ELAVL4: variants seen among roughly 807,000 people sequenced by gnomAD.
The protein encoded by ELAVL4 is ELAV like RNA binding protein 4.
In ELAVL4, 1 loss-of-function variant was observed where a neutral mutation model predicts 35.6. That is an observed-to-expected ratio of 0.03 (90% CI 0.01 to 0.13). ELAVL4 has a LOEUF of 0.13. Among genes scored for constraint, ELAVL4 ranks in the 10% least tolerant of loss-of-function variants. The pLI, the probability that ELAVL4 is intolerant of heterozygous loss-of-function variation, is 1.00. For missense variants in ELAVL4, 267 were observed against 464.9 expected, an observed-to-expected ratio of 0.57 and a Z score of 3.91; for synonymous variants, 156 against 171.0, an observed-to-expected ratio of 0.91 and a Z score of 0.69.
At chr1:50,091,625 T>G (rs955561330) in intron 1 of ELAVL4, among the ~76,000 whole-genome samples, 2 of 152,168 alleles carry the variant, frequency 1.3e-5, no homozygotes, top group African/African-American at 4.8e-5. Context: ...GTAACAGACT[T>G]TAAAAAGGCA....
chr1:50,055,786 G>A (rs1006644470), intron 1 of ELAVL4, among the ~76,000 whole-genome samples: 15 of 152,088 alleles, frequency 9.9e-5, no homozygotes, highest in African/African-American at 3.1e-4. Flanking sequence ...CTCCTTCAAC[G>A]AAAACCTTTA....
intron 1 of ELAVL4, among the ~76,000 whole-genome samples, chr1:50,095,513 C>T (rs1364329014): frequency 2.0e-5 from 3 of 152,022 alleles, no homozygotes; most frequent in East Asian, 1.9e-4. Flanking sequence ...TATATAGTCT[C>T]CTTTTAAACT....
intron 1 of ELAVL4, among the ~76,000 whole-genome samples, chr1:50,121,000 C>T (rs1190012215): frequency 6.6e-6 from 1 of 152,032 alleles, no homozygotes; most frequent in Non-Finnish European, 1.5e-5. Flanking sequence ...CATCTGTTAG[C>T]CCTGGAGGGC....
chr1:50,153,214 T>C (rs1675106197), intron 2 of ELAVL4, among the ~76,000 whole-genome samples: 1 of 152,214 alleles, frequency 6.6e-6, no homozygotes, highest in Non-Finnish European at 1.5e-5. Context: ...CCAATCTTAC[T>C]TTTCCTTGGT....
upstream of ELAVL4, chr1:50,106,027 A>T (rs1382172599): frequency 2.8e-6 from 1 of 354,346 alleles, no homozygotes; most frequent in Non-Finnish European, 5.0e-6. Context: ...TTTATGAAGG[A>T]TTCCTTTTTT....
intron 1 of ELAVL4, among the ~76,000 whole-genome samples, chr1:50,053,743 A>G (rs1663516183): frequency 6.6e-6 from 1 of 152,230 alleles, no homozygotes; most frequent in South Asian, 2.1e-4. Flanking sequence ...CTGTCAGCAA[A>G]GGAACAAGAG....
intron 1 of ELAVL4, among the ~76,000 whole-genome samples, chr1:50,081,784 C>G (rs920361124): frequency 1.3e-5 from 2 of 152,112 alleles, no homozygotes; most frequent in African/African-American, 4.8e-5. Flanking sequence ...ACCCATCAAC[C>G]CGTCATCTAC....
intron 1 of ELAVL4, among the ~76,000 whole-genome samples, chr1:50,074,661 C>T (rs769884075): frequency 1.3e-5 from 2 of 152,034 alleles, no homozygotes; most frequent in Non-Finnish European, 2.9e-5. Context: ...TGCACAGTGA[C>T]CTAATAACCT....
intron 3 of ELAVL4, 63 bp downstream of exon 3, chr1:50,177,255 T>C: frequency 1.5e-6 from 2 of 1,315,790 alleles, no homozygotes; most frequent in Non-Finnish European, 2.2e-6. Flanking sequence ...TCTGTTGATC[T>C]GGTAAATCCA....
intron 3 of ELAVL4, among the ~76,000 whole-genome samples, chr1:50,192,515 G>GCACACACACA (rs1220189674): frequency 1.6e-4 from 13 of 80,246 alleles, no homozygotes; most frequent in East Asian, 4.2e-4. Context: ...GCTTTTGTGT[G>GCACACACACA]CACGCACACA....
chr1:50,090,703 G>A (rs550740028), intron 1 of ELAVL4, among the ~76,000 whole-genome samples: 1 of 152,230 alleles, frequency 6.6e-6, no homozygotes, highest in East Asian at 1.9e-4. Context: ...CTACTTGGTA[G>A]GCAAAGGAAG....
At chr1:50,096,467 T>C (rs1249035699) in intron 1 of ELAVL4, among the ~76,000 whole-genome samples, 3 of 149,820 alleles carry the variant, frequency 2.0e-5, no homozygotes, top group African/African-American at 7.4e-5. Flanking sequence ...TCTAGAGCTG[T>C]GTATAGGGAA....
chr1:50,112,476 G>A (rs1667234059), intron 1 of ELAVL4, among the ~76,000 whole-genome samples: 1 of 152,086 alleles, frequency 6.6e-6, no homozygotes, highest in Non-Finnish European at 1.5e-5. Context: ...AAGGCTGAAT[G>A]TGCATTTATT....
At chr1:50,122,640 A>G (rs564978616) in intron 1 of ELAVL4, among the ~76,000 whole-genome samples, 1 of 152,130 alleles carries the variant, frequency 6.6e-6, no homozygotes, top group Admixed American at 6.6e-5. Flanking sequence ...CAAGAGCTCA[A>G]GAACTCAAAT....
chr1:50,059,610 CAT>C (rs1258176200), intron 1 of ELAVL4, among the ~76,000 whole-genome samples: 3 of 151,708 alleles, frequency 2.0e-5, no homozygotes, highest in African/African-American at 7.3e-5. Context: ...CAGTCCTTGG[CAT>C]ATATACCCAA....
Position 50,145,054 on chromosome 1 carries a change from A to G in ELAVL4, c.107A>G (p.Gln36Arg). ...AACAGAAACTGTCCTTCTCCCATGC[A>G]AACAGGGGCAACCACAGATGACAGC... ...SNNRNCPSPM[Q>R]TGATTDDSKT... The change falls in exon 2 of 7, where the codon CAA (glutamine) becomes CGA (arginine). Residue 36 changes from glutamine to arginine, a missense_variant. Gln to Arg is a conservative substitution (Grantham distance 43). This residue lies in a region of ELAVL4 where 51 missense variants were observed against 55.4 expected (regional missense o/e 0.92). Transcript: ENST00000371824. The G allele has an allele frequency of 3.1e-6, 5 of 1,614,064 alleles. No homozygotes were observed. Among genetic ancestry groups the G allele is most frequent in the Non-Finnish European group, 4.2e-6 (5 of 1,179,956 alleles).
At chr1:50,053,050 G>A (rs146849227) in intron 1 of ELAVL4, among the ~76,000 whole-genome samples, 1 of 152,116 alleles carries the variant, frequency 6.6e-6, no homozygotes, top group Non-Finnish European at 1.5e-5. Context: ...TTCACAGTAT[G>A]TTAATTGCAA....
At chr1:50,160,979 GAA>G (rs1186805052) in intron 2 of ELAVL4, among the ~76,000 whole-genome samples, 2 of 152,154 alleles carry the variant, frequency 1.3e-5, no homozygotes, top group African/African-American at 2.4e-5. Context: ...TTCACCCACA[GAA>G]AGTCTCATTT....
chr1:50,194,043 A>C (rs1683071472), intron 4 of ELAVL4, 125 bp downstream of exon 4: 2 of 1,250,466 alleles, frequency 1.6e-6, no homozygotes, highest in Non-Finnish European at 1.1e-6. Flanking sequence ...CAGATTTTTG[A>C]CTTGGAAGAA....
Sources: allele counts gnomAD v4.1 joint callset (sites outside exome capture counted in the v4.1 genomes callset), GRCh38; gene constraint gnomAD v4.1.1; regional missense constraint gnomAD v4.1.1; transcripts MANE v1.5; gene names NCBI Gene and HGNC (gene_info 2026-07-23, HGNC 2026-07-21).